The following UXS1 variants were observed in gnomAD, a reference collection of about 807,000 sequenced individuals.
The protein encoded by UXS1 is UDP-glucuronate decarboxylase 1.
A neutral mutation model predicts 62.6 loss-of-function variants in UXS1; 33 were observed. The observed-to-expected ratio is 0.53, with a 90% CI of 0.40 to 0.70. The LOEUF is 0.70. UXS1 is among the 30% of genes least tolerant of loss of function. The pLI, the probability that UXS1 is intolerant of heterozygous loss-of-function variation, is 0.00. For missense variants in UXS1, 434 were observed against 556.3 expected (o/e 0.78, Z 2.21); for synonymous variants, 213 against 206.8 (o/e 1.03, Z -0.26).
chr2:106,131,144 C>T (rs1393066900), intron 6 of UXS1, among the ~76,000 whole-genome samples: 6 of 148,744 alleles, frequency 4.0e-5, no homozygotes, highest in South Asian at 4.4e-4. Context: ...AAAGGGGTGA[C>T]GGACGCACCT....
chr2:106,124,793 G>A (rs1679792768), intron 8 of UXS1, among the ~76,000 whole-genome samples: 1 of 152,092 alleles, frequency 6.6e-6, no homozygotes, highest in Admixed American at 6.5e-5. Context: ...TTTTCATAGA[G>A]ATTACAAAGA....
intron 1 of UXS1, among the ~76,000 whole-genome samples, chr2:106,192,471 G>A (rs1036584156): frequency 6.6e-6 from 1 of 151,804 alleles, no homozygotes; most frequent in Non-Finnish European, 1.5e-5. Flanking sequence ...GGAGAATGGC[G>A]TGAACCCGGG....
At chr2:106,174,560 A>AT (rs1683757780) in intron 1 of UXS1, among the ~76,000 whole-genome samples, 1 of 152,218 alleles carries the variant, frequency 6.6e-6, no homozygotes. Context: ...TCACAGGCAA[A>AT]TAGAACCTGA....
rs184743438 is a variant in UXS1 at position 106,167,354 on chromosome 2, A to G, written c.95-1271T>C. On this transcript the variant is annotated intron_variant, in intron 1 of 14. Coordinates refer to ENST00000283148, the MANE Select transcript of UXS1 (RefSeq NM_001253875.2). ...CCAGGTGCCGAGGAAGAACAGAGAG[A>G]TTAAACACAAACGTCCTCCCTGTCC... 1.7e-3 allele frequency among the ~76,000 whole-genome samples: 263 copies of G among 152,290 alleles called. 1 individual carries two copies. The highest frequency in any genetic ancestry group is 2.8e-3 in the Non-Finnish European group (191 of 68,022).
intron 4 of UXS1, chr2:106,160,768 G>A (rs954972657): frequency 6.6e-6 from 1 of 152,154 alleles, no homozygotes; most frequent in Non-Finnish European, 1.5e-5. Flanking sequence ...ACGCAGTGAC[G>A]GGCATAAGAT....
At chr2:106,097,052 A>G (rs1290586018) in intron 13 of UXS1, 3 of 652,094 alleles carry the variant, frequency 4.6e-6, no homozygotes, top group Non-Finnish European at 8.5e-6. Flanking sequence ...GGCGCCCAGC[A>G]AGAGCTCGGT....
chr2:106,127,859 GC>G (rs1680092453), intron 7 of UXS1, among the ~76,000 whole-genome samples: 1 of 152,184 alleles, frequency 6.6e-6, no homozygotes, highest in Non-Finnish European at 1.5e-5. Context: ...CATAGCTCAA[GC>G]CCTAGCTCGA....
At chr2:106,194,077 A>C in intron 1 of UXS1, 71 bp downstream of exon 1, 1 of 1,287,838 alleles carries the variant, frequency 7.8e-7, no homozygotes, top group Non-Finnish European at 1.0e-6. Flanking sequence ...GCCCCGAACC[A>C]CCGCCGCCCG....
chr2:106,166,208 A>T, intron 1 of UXS1, 125 bp from the exon 2 acceptor site: 1 of 850,390 alleles, frequency 1.2e-6, no homozygotes, highest in Non-Finnish European at 1.8e-6. Flanking sequence ...TACGAAGACA[A>T]CAAAATGCAT....
chr2:106,142,750 A>C (rs1483474169), intron 6 of UXS1, among the ~76,000 whole-genome samples: 1 of 152,224 alleles, frequency 6.6e-6, no homozygotes, highest in African/African-American at 2.4e-5. Flanking sequence ...GACCCGCTGA[A>C]GGAGAAAGTG....
At chr2:106,161,601 T>G (rs1682900103) in intron 4 of UXS1, among the ~76,000 whole-genome samples, 1 of 152,190 alleles carries the variant, frequency 6.6e-6, no homozygotes, top group Admixed American at 6.5e-5. Flanking sequence ...AATCTTTCCT[T>G]ACAACCCCAA....
chr2:106,179,331 TCTC>T (rs1182617148), intron 1 of UXS1, among the ~76,000 whole-genome samples: 9 of 151,980 alleles, frequency 5.9e-5, no homozygotes, highest in African/African-American at 1.7e-4. Context: ...GCCCTGCACT[TCTC>T]CTGCTCTCCG....
chr2:106,175,672 G>C lies in UXS1; in HGVS notation c.95-9589C>G, dbSNP rs144507559. ...CGTGAAGTCTGACCACGTGAGGCCAGACAGGTTGCCTGTGGGCACTCTAAC... is the reference window on the plus strand; with the variant it reads ...CGTGAAGTCTGACCACGTGAGGCCACACAGGTTGCCTGTGGGCACTCTAAC... On this transcript the variant is annotated intron_variant, in intron 1 of 14. Transcript: ENST00000283148. Among the ~76,000 whole-genome samples, 918 of 152,310 alleles carry C rather than the reference G, an allele frequency of 6.0e-3. 4 individuals are homozygous for C. The highest frequency in any genetic ancestry group is 0.025 in the South Asian group (121 of 4,824).
At chr2:106,128,869 T>C (rs2104944721) in intron 7 of UXS1, among the ~76,000 whole-genome samples, 1 of 152,320 alleles carries the variant, frequency 6.6e-6, no homozygotes, top group Non-Finnish European at 1.5e-5. Context: ...AATTTAGTGC[T>C]GTATGTCCCA....
chr2:106,143,562 T>G lies in UXS1; in HGVS notation c.472+1628A>C, dbSNP rs199584991. 9.3e-4 allele frequency among the ~76,000 whole-genome samples: 141 copies of G among 152,248 alleles called. 1 individual carries two copies. In the East Asian group the frequency reaches 0.01, roughly 11 times the overall value. On this transcript the variant is annotated intron_variant, in intron 6 of 14. Transcript: ENST00000283148. ...AAAAATATCCATTCACGATCCGATC[T>G]GACAGGTCTACAGGACCGGGCACAG... is the stretch of plus-strand genomic sequence containing the variant.
intron 10 of UXS1, among the ~76,000 whole-genome samples, chr2:106,107,417 T>A (rs2104863730): frequency 6.6e-6 from 1 of 152,312 alleles, no homozygotes; most frequent in African/African-American, 2.4e-5. Flanking sequence ...AGAGGAGCCA[T>A]GGAAGAGCAC....
rs1363301859 is a variant in UXS1 at position 106,164,718 on chromosome 2, A to C, written c.186+18T>G. 1 of 1,539,190 alleles carries C rather than the reference A, an allele frequency of 6.5e-7. No homozygotes were observed. Among genetic ancestry groups the C allele is most frequent in the East Asian group, 2.3e-5 (1 of 42,820 alleles). Reference sequence around the variant, plus strand: ...AGTATACAGATGAAATAGATACAAAAATAGAAAAAAGACTAACCTCTTCAA... The same window carrying C: ...AGTATACAGATGAAATAGATACAAACATAGAAAAAAGACTAACCTCTTCAA... On this transcript the variant is annotated intron_variant, in intron 3 of 14. Coordinates refer to ENST00000283148, the MANE Select transcript of UXS1 (RefSeq NM_001253875.2).
intron 12 of UXS1, among the ~76,000 whole-genome samples, chr2:106,100,321 A>C (rs1677487508): frequency 6.6e-6 from 1 of 152,174 alleles, no homozygotes; most frequent in Non-Finnish European, 1.5e-5. Context: ...TGATGCACCA[A>C]GGAGGAGGCA....
chr2:106,096,345 TTAAG>T (rs1323141965), intron 14 of UXS1, among the ~76,000 whole-genome samples: 61 of 152,298 alleles, frequency 4.0e-4, no homozygotes, highest in Non-Finnish European at 2.8e-4. Context: ...TATACTTGTA[TTAAG>T]TGTGTTTGTA....
Sources: allele counts gnomAD v4.1 joint callset (sites outside exome capture counted in the v4.1 genomes callset), GRCh38; gene constraint gnomAD v4.1.1; transcripts MANE v1.5; gene names NCBI Gene and HGNC (gene_info 2026-07-23, HGNC 2026-07-21).